The following MTHFD1L variants were observed in gnomAD, a reference collection of about 807,000 sequenced individuals.
MTHFD1L encodes the protein monofunctional C1-tetrahydrofolate synthase, mitochondrial.
MTHFD1L carries 81 observed loss-of-function variants against 119.5 expected under a neutral mutation model. That is an observed-to-expected ratio of 0.68 (90% CI 0.57 to 0.82). The LOEUF (loss-of-function observed/expected upper bound fraction) is 0.82. Among genes scored for constraint, MTHFD1L ranks in the 40% least tolerant of loss-of-function variants. The probability of loss-of-function intolerance (pLI) is 0.00; values close to 1 mark genes in which losing one functional copy is unlikely to be tolerated. For synonymous variants in MTHFD1L, 430 were observed against 475.2 expected, an observed-to-expected ratio of 0.90 and a Z score of 1.24; for missense variants, 1,125 against 1,253.4, an observed-to-expected ratio of 0.90 and a Z score of 1.55.
At chr6:151,038,998 G>C (rs1409326533) in intron 26 of MTHFD1L, among the ~76,000 whole-genome samples, 2 of 152,168 alleles carry the variant, frequency 1.3e-5, no homozygotes, top group Non-Finnish European at 2.9e-5. Flanking sequence ...GTGCTTCAAA[G>C]AAAGAGGCAG....
intron 20 of MTHFD1L, among the ~76,000 whole-genome samples, chr6:151,006,510 A>G (rs767583336): frequency 4.6e-5 from 7 of 152,132 alleles, no homozygotes; most frequent in Non-Finnish European, 7.3e-5. Context: ...GGAAGCAGGA[A>G]CCACTGAAGA....
intron 20 of MTHFD1L, among the ~76,000 whole-genome samples, chr6:150,998,996 A>AAAAAAAAAATGTATATG (rs55972940): frequency 9.1e-6 from 1 of 110,428 alleles, no homozygotes; most frequent in African/African-American, 3.0e-5. Flanking sequence ...TCTTAAAAAA[A>AAAAAAAAAATGTATATG]TATATATACA....
chr6:150,879,380 C>A (rs112347315), intron 4 of MTHFD1L, among the ~76,000 whole-genome samples: 2 of 151,946 alleles, frequency 1.3e-5, no homozygotes, highest in South Asian at 4.1e-4. Flanking sequence ...CTCTACCTCC[C>A]GGGTTCAAGT....
At chr6:151,000,768 T>C (rs1780503905) in intron 20 of MTHFD1L, among the ~76,000 whole-genome samples, 1 of 152,184 alleles carries the variant, frequency 6.6e-6, no homozygotes, top group South Asian at 2.1e-4. Context: ...ACAGCTGCCA[T>C]TGAATAAACA....
intron 26 of MTHFD1L, among the ~76,000 whole-genome samples, chr6:151,052,517 TA>T (rs1789219031): frequency 6.6e-6 from 1 of 152,012 alleles, no homozygotes; most frequent in South Asian, 2.1e-4. Flanking sequence ...TGAGGTGTCT[TA>T]AAAAGAGGAG....
intron 19 of MTHFD1L, among the ~76,000 whole-genome samples, chr6:150,965,595 A>G (rs919283454): frequency 3.3e-5 from 5 of 151,228 alleles, no homozygotes; most frequent in African/African-American, 1.2e-4. Context: ...CGGGAGGCAG[A>G]GGTTGCAGTG....
Position 150,944,683 on chromosome 6 carries a change from G to T in MTHFD1L, c.1548+90G>T, listed in dbSNP as rs1793656779. The T allele has an allele frequency of 7.8e-6, 7 of 900,880 alleles. No homozygotes were observed. In the South Asian group the frequency reaches 1.1e-4, roughly 14 times the overall value. 55.8% of individuals were successfully genotyped at this position (900,880 alleles called of 1,614,324 possible). On this transcript the variant is annotated intron_variant, in intron 14 of 27. Transcript: ENST00000367321. The stretch of plus-strand genomic sequence containing the variant: ...GTTTGTGGAAAGAATTCTGGTGTCT[G>T]CAAACTCTGAAATGTTATTCAATTC...
intron 18 of MTHFD1L, among the ~76,000 whole-genome samples, chr6:150,964,715 G>A (rs1796944554): frequency 6.6e-6 from 1 of 152,192 alleles, no homozygotes. Context: ...ACACCATCAA[G>A]GAAGGTTTTG....
chr6:151,047,300 C>G (rs1390283992), intron 26 of MTHFD1L, among the ~76,000 whole-genome samples: 1 of 152,118 alleles, frequency 6.6e-6, no homozygotes, highest in Non-Finnish European at 1.5e-5. Context: ...CAGTAAATTG[C>G]TTTTGAGAGA....
chr6:151,050,903 T>C (rs1456627834), intron 26 of MTHFD1L, among the ~76,000 whole-genome samples: 1 of 152,180 alleles, frequency 6.6e-6, no homozygotes, highest in African/African-American at 2.4e-5. Flanking sequence ...GCATGGTCTG[T>C]GGAGTTGGGG....
intron 26 of MTHFD1L, among the ~76,000 whole-genome samples, chr6:151,051,480 A>G (rs1789024103): frequency 6.6e-6 from 1 of 152,184 alleles, no homozygotes; most frequent in African/African-American, 2.4e-5. Context: ...TAAGAGGTAG[A>G]GTTCTAGCGC....
At chr6:150,944,358 G>A in intron 13 of MTHFD1L, 128 bp from the exon 14 acceptor site, 1 of 683,280 alleles carries the variant, frequency 1.5e-6, no homozygotes, top group Non-Finnish European at 2.6e-6. Context: ...TTAGGTGAGA[G>A]GATTGCTTGA....
chr6:151,049,470 C>T (rs1465124799), intron 26 of MTHFD1L, among the ~76,000 whole-genome samples: 1 of 129,158 alleles, frequency 7.7e-6, no homozygotes, highest in Non-Finnish European at 1.6e-5. Flanking sequence ...CCAGCCTGGG[C>T]AAGACAGCGA....
chr6:151,038,235 G>C (rs1230098546), intron 26 of MTHFD1L, among the ~76,000 whole-genome samples: 1 of 152,184 alleles, frequency 6.6e-6, no homozygotes, highest in African/African-American at 2.4e-5. Flanking sequence ...AGCCCAGGGG[G>C]ATAACAGCTC....
chr6:151,027,493 C>T (rs987251577), intron 24 of MTHFD1L, among the ~76,000 whole-genome samples: 10 of 152,094 alleles, frequency 6.6e-5, no homozygotes, highest in Non-Finnish European at 1.3e-4. Context: ...ATTTACAGAA[C>T]CAAGAGAAAG....
intron 12 of MTHFD1L, among the ~76,000 whole-genome samples, chr6:150,937,809 T>C (rs1037403838): frequency 6.6e-6 from 1 of 152,080 alleles, no homozygotes; most frequent in Non-Finnish European, 1.5e-5. Flanking sequence ...GAGGATCAAA[T>C]GAGAAAGCAC....
At chr6:150,930,288 A>C (rs1239235447) in intron 11 of MTHFD1L, among the ~76,000 whole-genome samples, 1 of 152,242 alleles carries the variant, frequency 6.6e-6, no homozygotes, top group Non-Finnish European at 1.5e-5. Context: ...CAACATTTGT[A>C]ATCTAAAGTG....
intron 8 of MTHFD1L, among the ~76,000 whole-genome samples, chr6:150,916,218 A>T (rs921319181): frequency 1.1e-4 from 16 of 148,542 alleles, no homozygotes; most frequent in African/African-American, 3.9e-4. Flanking sequence ...CTAAGGGAGG[A>T]TGCAGGCTAA....
At chr6:150,869,642 C>T (rs1385581954) in intron 1 of MTHFD1L, among the ~76,000 whole-genome samples, 1 of 152,068 alleles carries the variant, frequency 6.6e-6, no homozygotes, top group African/African-American at 2.4e-5. Flanking sequence ...CAGGCATGAG[C>T]CACCACGCCT....
Sources: allele counts gnomAD v4.1 joint callset (sites outside exome capture counted in the v4.1 genomes callset), GRCh38; gene constraint gnomAD v4.1.1; transcripts MANE v1.5; gene names NCBI Gene and HGNC (gene_info 2026-07-23, HGNC 2026-07-21).